Variants in MTHFD2L observed in about 807,000 individuals in gnomAD.
The protein encoded by MTHFD2L is bifunctional methylenetetrahydrofolate dehydrogenase/cyclohydrolase 2, mitochondrial.
MTHFD2L carries 29 observed loss-of-function variants against 34.9 expected under a neutral mutation model. The observed-to-expected ratio is 0.83, with a 90% CI of 0.62 to 1.13. The LOEUF is 1.13. Among genes scored for constraint, MTHFD2L ranks in the 50% most tolerant of loss-of-function variants. The probability of loss-of-function intolerance (pLI) is 0.00; values close to 1 mark genes in which losing one functional copy is unlikely to be tolerated. For missense variants in MTHFD2L, 481 were observed against 446.5 expected, an observed-to-expected ratio of 1.08 and a Z score of -0.70; for synonymous variants, 167 against 155.7, an observed-to-expected ratio of 1.07 and a Z score of -0.54.
chr4:74,187,800 T>TACACACACACAC (rs61173269), intron 3 of MTHFD2L, among the ~76,000 whole-genome samples: 2,684 of 144,280 alleles, frequency 0.019, 74 homozygotes, highest in African/African-American at 0.058. Flanking sequence ...CCTGTGTATT[T>TACACACACACAC]ACACACACAC....
At chr4:74,250,525 A>G (rs1743158948) in intron 6 of MTHFD2L, among the ~76,000 whole-genome samples, 1 of 152,190 alleles carries the variant, frequency 6.6e-6, no homozygotes, top group Non-Finnish European at 1.5e-5. Context: ...TATACCACCT[A>G]GCACATAGTA....
In MTHFD2L at chr4:74,145,694, A is replaced by G. The variant is rs568499170; in HGVS notation, c.-296-14361A>G. ...ATCTCATGTCAAATTGTTACTCCCAATGTTGAAGATCAGGCCTGGTGGGAG... is the reference window on the plus strand; with the variant it reads ...ATCTCATGTCAAATTGTTACTCCCAGTGTTGAAGATCAGGCCTGGTGGGAG... On this transcript the variant is annotated intron_variant, in intron 1 of 7. Transcript: ENST00000433372. Among the ~76,000 whole-genome samples the G allele has an allele frequency of 7.2e-5, 11 of 152,234 alleles. No individual in the cohort carries two copies. The South Asian group carries it at 1.7e-3, about 23-fold the overall frequency.
rs1742769992 is a variant in MTHFD2L at position 74,248,184 on chromosome 4, C to G, written c.805+22790C>G. ...CCTGTTACTGGTCTATTCAGAGATTCAACTTCTTCCTGGTTTAGTCTTGGG... is the reference window on the plus strand; with the variant it reads ...CCTGTTACTGGTCTATTCAGAGATTGAACTTCTTCCTGGTTTAGTCTTGGG... On this transcript the variant is annotated intron_variant, in intron 6 of 7. Transcript: ENST00000325278. Among the ~76,000 whole-genome samples the G allele has an allele frequency of 2.6e-5, 4 of 151,816 alleles. No individual in the cohort carries two copies. In the South Asian group the frequency reaches 8.3e-4, roughly 32 times the overall value.
intron 1 of MTHFD2L, among the ~76,000 whole-genome samples, chr4:74,132,179 T>C (rs1722564063): frequency 6.6e-6 from 1 of 152,190 alleles, no homozygotes; most frequent in Non-Finnish European, 1.5e-5. Context: ...GAAGACAATG[T>C]AGCGATTCCT....
chr4:74,256,362 C>T (rs989632345), intron 6 of MTHFD2L, among the ~76,000 whole-genome samples: 10 of 152,080 alleles, frequency 6.6e-5, no homozygotes, highest in South Asian at 2.1e-4. Flanking sequence ...CTGCCTGTCT[C>T]GGTACCTCCC....
At chr4:74,196,248 T>A (rs1362593112) in intron 3 of MTHFD2L, among the ~76,000 whole-genome samples, 2 of 152,058 alleles carry the variant, frequency 1.3e-5, no homozygotes, top group African/African-American at 4.8e-5. Context: ...GGGCAATTGA[T>A]CAATGCATTG....
intron 5 of MTHFD2L, among the ~76,000 whole-genome samples, chr4:74,204,149 A>T (rs1734918208): frequency 6.6e-6 from 1 of 152,138 alleles, no homozygotes. Context: ...GGTTAAGAGG[A>T]TAGACATGGA....
At chr4:74,169,561 G>GT (rs1475650241) in intron 1 of MTHFD2L, among the ~76,000 whole-genome samples, 1 of 152,158 alleles carries the variant, frequency 6.6e-6, no homozygotes, top group Non-Finnish European at 1.5e-5. Flanking sequence ...GTGATTACTA[G>GT]TTTTTTTAAC....
At chr4:74,267,200 A>C (rs543530706) in intron 6 of MTHFD2L, 1 of 985,044 alleles carries the variant, frequency 1.0e-6, no homozygotes, top group African/African-American at 1.7e-5. Flanking sequence ...ACCCTTGCCT[A>C]TTGTCCCTAC....
upstream of MTHFD2L, among the ~76,000 whole-genome samples, chr4:74,121,361 G>T (rs1721752497): frequency 6.6e-6 from 1 of 151,876 alleles, no homozygotes; most frequent in Non-Finnish European, 1.5e-5. Flanking sequence ...TCCTGAGATT[G>T]CCACAAAAGT....
At chr4:74,194,409 C>T (rs1733120319) in intron 3 of MTHFD2L, 1 of 152,104 alleles carries the variant, frequency 6.6e-6, no homozygotes, top group Non-Finnish European at 1.5e-5. Flanking sequence ...AAGCTATCTA[C>T]TTTCCTCTAC....
chr4:74,166,161 G>A (rs1244671042), intron 1 of MTHFD2L, among the ~76,000 whole-genome samples: 1 of 152,212 alleles, frequency 6.6e-6, no homozygotes, highest in East Asian at 1.9e-4. Context: ...CCACAAACTA[G>A]CTAGCTTGAA....
chr4:74,152,011 G>T (rs569206), intron 1 of MTHFD2L, among the ~76,000 whole-genome samples: 146,163 of 152,058 alleles, frequency 0.96, 70,509 homozygotes, highest in East Asian at 1. Flanking sequence ...TGTGATATAT[G>T]AACTGACACA....
chr4:74,162,133 A>G (rs1578293993), intron 1 of MTHFD2L: 1 of 152,230 alleles, frequency 6.6e-6, no homozygotes, highest in Admixed American at 6.5e-5. Flanking sequence ...ATATTATCCA[A>G]GAAGGCCTAG....
intron 3 of MTHFD2L, among the ~76,000 whole-genome samples, chr4:74,196,945 CAAAA>C (rs571646612): frequency 1.7e-5 from 1 of 59,424 alleles, no homozygotes. Context: ...GACTCTGTCT[CAAAA>C]AAAAAAAAAA....
At chr4:74,139,363 G>A (rs1483160404) in intron 1 of MTHFD2L, among the ~76,000 whole-genome samples, 1 of 152,150 alleles carries the variant, frequency 6.6e-6, no homozygotes, top group Non-Finnish European at 1.5e-5. Flanking sequence ...CATCTCCTTT[G>A]GCCAAGTTGC....
At chr4:74,234,225 C>T (rs1389294579) in intron 6 of MTHFD2L, among the ~76,000 whole-genome samples, 1 of 151,826 alleles carries the variant, frequency 6.6e-6, no homozygotes, top group Non-Finnish European at 1.5e-5. Context: ...ATGTCCAGGT[C>T]TTTAAAAGGT....
At chr4:74,273,696 A>C (rs1479455883) in intron 6 of MTHFD2L, among the ~76,000 whole-genome samples, 1 of 152,202 alleles carries the variant, frequency 6.6e-6, no homozygotes, top group African/African-American at 2.4e-5. Context: ...ATACATGTAC[A>C]AAGAAAGAGT....
rs1411836851 is a variant in MTHFD2L at position 74,184,853 on chromosome 4, CA to C, written c.451+9454del. Among the ~76,000 whole-genome samples, 3 of 151,888 alleles carry C rather than the reference CA, an allele frequency of 2.0e-5. No individual in the cohort carries two copies. The South Asian group carries it at 6.2e-4, about 31-fold the overall frequency. On this transcript the variant is annotated intron_variant, in intron 3 of 7. Coordinates refer to ENST00000325278, the MANE Select transcript of MTHFD2L (RefSeq NM_001144978.3). The stretch of plus-strand genomic sequence containing the variant: ...ATGGAATTAAATTAAAAATGAGTAA[CA>C]AAACCTTCTGGAAGGCTGTGCACAG...
Sources: allele counts gnomAD v4.1 joint callset (sites outside exome capture counted in the v4.1 genomes callset), GRCh38; gene constraint gnomAD v4.1.1; transcripts MANE v1.5; gene names NCBI Gene and HGNC (gene_info 2026-07-23, HGNC 2026-07-21).